Variants in EML1 observed in about 807,000 individuals in gnomAD.
The protein encoded by EML1 is echinoderm microtubule-associated protein-like 1.
In EML1, 27 loss-of-function variants were observed where a neutral mutation model predicts 110.4. That is an observed-to-expected ratio of 0.24 (90% CI 0.18 to 0.34). The LOEUF is 0.34. Ranked by LOEUF, EML1 falls within the 10% of genes least tolerant of loss-of-function variation. The probability of loss-of-function intolerance (pLI) is 1.00; values close to 1 mark genes in which losing one functional copy is unlikely to be tolerated. For missense variants in EML1, 741 were observed against 1,030.9 expected (o/e 0.72, Z 3.85); for synonymous variants, 344 against 385.8 (o/e 0.89, Z 1.27).
chr14:99,865,396 G>A (rs1381115867), intron 2 of EML1, 118 bp from the exon 3 acceptor site: 2 of 1,322,138 alleles, frequency 1.5e-6, no homozygotes, highest in East Asian at 4.7e-5. Context: ...CTCGCTCACT[G>A]CTCACCTCCT....
At chr14:99,901,922 C>CT (rs1487360661) in intron 9 of EML1, among the ~76,000 whole-genome samples, 1 of 152,156 alleles carries the variant, frequency 6.6e-6, no homozygotes, top group African/African-American at 2.4e-5. Flanking sequence ...TCAAATGCCT[C>CT]TGACATTTCT....
intron 2 of EML1, among the ~76,000 whole-genome samples, chr14:99,854,105 C>G (rs894516886): frequency 1.3e-5 from 2 of 152,198 alleles, no homozygotes; most frequent in African/African-American, 2.4e-5. Flanking sequence ...GGCTGTGCCA[C>G]CAAGAAGCAG....
chr14:99,776,891 A>T (rs760866005), intron 1 of EML1, among the ~76,000 whole-genome samples: 1 of 152,238 alleles, frequency 6.6e-6, no homozygotes, highest in African/African-American at 2.4e-5. Context: ...AAAACTTTAA[A>T]TCATGAGCTT....
chr14:99,818,597 G>A lies in EML1; in HGVS notation c.67+25054G>A, dbSNP rs538807098. Among the ~76,000 whole-genome samples the A allele has an allele frequency of 5.9e-5, 9 of 152,256 alleles. No individual in the cohort carries two copies. In the East Asian group the frequency reaches 1.7e-3, roughly 29 times the overall value. On this transcript the variant is annotated intron_variant, in intron 1 of 21. Transcript: ENST00000262233. ...CTTCATGTATCATATTCACACACAC[G>A]TGTGCATCACTCTATCTTCAGGCAG...
At chr14:99,891,642 AG>A (rs1462351643) in intron 5 of EML1, among the ~76,000 whole-genome samples, 3 of 152,228 alleles carry the variant, frequency 2.0e-5, no homozygotes, top group African/African-American at 7.2e-5. Context: ...ACTGTCTAAA[AG>A]TAGCTTTTCT....
intron 1 of EML1, among the ~76,000 whole-genome samples, chr14:99,819,957 C>T (rs2058235001): frequency 6.6e-6 from 1 of 152,212 alleles, no homozygotes; most frequent in Admixed American, 6.5e-5. Flanking sequence ...TAGCCCTGAG[C>T]TTGTGACACA....
At chr14:99,794,305 A>T (rs986185150) in intron 1 of EML1, among the ~76,000 whole-genome samples, 2 of 151,346 alleles carry the variant, frequency 1.3e-5, no homozygotes, top group African/African-American at 4.9e-5. Flanking sequence ...TCAGAACATG[A>T]TGTGTGATAA....
chr14:99,818,552 A>G lies in EML1; in HGVS notation c.67+25009A>G, dbSNP rs187897042. Among the ~76,000 whole-genome samples the G allele has an allele frequency of 9.8e-5, 15 of 152,298 alleles. No homozygotes were observed. The East Asian group carries it at 2.9e-3, about 29-fold the overall frequency. On this transcript the variant is annotated intron_variant, in intron 1 of 21. Coordinates refer to ENST00000262233, the MANE Select transcript of EML1 (RefSeq NM_004434.3). ...GTGAGGGGTGTGGGAAGAGGATTAGAGGCAAGATGACCATGCGAACTTCAT... is the reference window on the plus strand; with the variant it reads ...GTGAGGGGTGTGGGAAGAGGATTAGGGGCAAGATGACCATGCGAACTTCAT...
intron 4 of EML1, among the ~76,000 whole-genome samples, chr14:99,886,533 A>G (rs775143258): frequency 7.9e-5 from 12 of 152,212 alleles, no homozygotes; most frequent in Non-Finnish European, 1.5e-4. Context: ...TGGATTAATA[A>G]ATTGTAGGGA....
At chr14:99,814,819 G>T (rs1366625106) in intron 1 of EML1, among the ~76,000 whole-genome samples, 1 of 152,164 alleles carries the variant, frequency 6.6e-6, no homozygotes, top group African/African-American at 2.4e-5. Flanking sequence ...TGCACATGGG[G>T]CTCAATGGAT....
chr14:99,768,295 G>A (rs2057387383), upstream of EML1, among the ~76,000 whole-genome samples: 1 of 152,194 alleles, frequency 6.6e-6, no homozygotes, highest in African/African-American at 2.4e-5. Flanking sequence ...ACCCAGGGGA[G>A]GGAGGAACTC....
In EML1 at chr14:99,907,692, G is replaced by A. The variant is rs949662316; in HGVS notation, c.1063G>A (p.Val355Ile). ...VDDSNDHVLS[V>I]WDWQKEEKLA... ...TGACTCCAACGACCATGTGCTCTCT[G>A]TATGGGACTGGCAGAAAGAAGAAAA... The change falls in exon 10 of 22, where the codon GTA becomes ATA. Residue 355 changes from valine (V) to isoleucine (I), a missense_variant. Physicochemically the swap from Val to Ile is conservative, Grantham distance 29 (BLOSUM62 3). This residue lies in a region of EML1 where 388 missense variants were observed against 605.6 expected (regional missense o/e 0.64). Coordinates refer to ENST00000262233, the MANE Select transcript of EML1 (RefSeq NM_004434.3). 1 of 1,614,060 alleles carries A rather than the reference G, an allele frequency of 6.2e-7. No homozygotes were observed. Among genetic ancestry groups the A allele is most frequent in the African/African-American group, 1.3e-5 (1 of 74,918 alleles).
intron 15 of EML1, 180 bp downstream of exon 15, chr14:99,914,877 G>C: frequency 1.3e-6 from 1 of 767,064 alleles, no homozygotes; most frequent in Non-Finnish European, 2.0e-6. Context: ...ACATTGCCTC[G>C]TGGCCTCAGC....
At chr14:99,883,806 G>T (rs1463663277) in intron 4 of EML1, among the ~76,000 whole-genome samples, 1 of 152,156 alleles carries the variant, frequency 6.6e-6, no homozygotes, top group Non-Finnish European at 1.5e-5. Context: ...CATGTTTCCA[G>T]CCCGAAGTAC....
chr14:99,858,962 A>G (rs2058953398), intron 2 of EML1, among the ~76,000 whole-genome samples: 1 of 152,190 alleles, frequency 6.6e-6, no homozygotes, highest in Non-Finnish European at 1.5e-5. Flanking sequence ...ACATTGCATT[A>G]TTGATGTGAT....
chr14:99,889,868 A>G (rs945083160), intron 4 of EML1, among the ~76,000 whole-genome samples: 3 of 152,222 alleles, frequency 2.0e-5, no homozygotes, highest in African/African-American at 4.8e-5. Flanking sequence ...AGAGTTTAGG[A>G]AACTAAGCCT....
At chr14:99,790,776 G>A (rs1481973957), upstream of EML1, among the ~76,000 whole-genome samples, 1 of 152,082 alleles carries the variant, frequency 6.6e-6, no homozygotes, top group Admixed American at 6.5e-5. Context: ...GTGCCAGGCG[G>A]GCGCAAGAGG....
intron 1 of EML1, among the ~76,000 whole-genome samples, chr14:99,800,570 C>T (rs1232138398): frequency 6.6e-6 from 1 of 152,116 alleles, no homozygotes; most frequent in Non-Finnish European, 1.5e-5. Flanking sequence ...TTCTTTGTTG[C>T]TCAGGCTGGT....
At position 99,849,837 on chromosome 14, in the gene EML1, G is replaced by A. The variant is rs540622089; in HGVS notation, c.68-1016G>A. Reference sequence around the variant, plus strand: ...TGATGGGATTACAGACATGAGCCACGGCACCTGGCCTGTAATTGTGTATTT... The same window carrying A: ...TGATGGGATTACAGACATGAGCCACAGCACCTGGCCTGTAATTGTGTATTT... On this transcript the variant is annotated intron_variant, in intron 1 of 21. Coordinates refer to ENST00000262233, the MANE Select transcript of EML1 (RefSeq NM_004434.3). 2.1e-4 allele frequency among the ~76,000 whole-genome samples: 32 copies of A among 151,916 alleles called. No individual in the cohort carries two copies. In the South Asian group the frequency reaches 2.3e-3, roughly 11 times the overall value.
Sources: allele counts gnomAD v4.1 joint callset (sites outside exome capture counted in the v4.1 genomes callset), GRCh38; gene constraint gnomAD v4.1.1; regional missense constraint gnomAD v4.1.1; transcripts MANE v1.5; gene names NCBI Gene and HGNC (gene_info 2026-07-23, HGNC 2026-07-21).